SOX5: variants seen among roughly 807,000 people sequenced by gnomAD.
SOX5 encodes the protein SRY-box transcription factor 5, also known as transcription factor SOX-5.
SOX5 carries 9 observed loss-of-function variants against 92.0 expected under a neutral mutation model. The observed-to-expected ratio is 0.10, with a 90% CI of 0.06 to 0.17. The LOEUF is 0.17. SOX5 is among the 10% of genes least tolerant of loss of function. The pLI, the probability that SOX5 is intolerant of heterozygous loss-of-function variation, is 1.00. For synonymous variants in SOX5, 344 were observed against 336.3 expected (o/e 1.02, Z -0.25); for missense variants, 642 against 944.5 (o/e 0.68, Z 4.20).
At chr12:23,561,413 C>G (rs891837870) in intron 11 of SOX5, among the ~76,000 whole-genome samples, 10 of 152,072 alleles carry the variant, frequency 6.6e-5, no homozygotes, top group Non-Finnish European at 1.0e-4. Flanking sequence ...GTCACTGAAG[C>G]CAGCATAAAG....
At chr12:23,748,440 G>GA (rs1455911480) in intron 4 of SOX5, among the ~76,000 whole-genome samples, 2 of 151,950 alleles carry the variant, frequency 1.3e-5, no homozygotes, top group Non-Finnish European at 2.9e-5. Flanking sequence ...AAAAATACAT[G>GA]AAAATTGCTA....
intron 6 of SOX5, among the ~76,000 whole-genome samples, chr12:23,719,113 G>T (rs192410551): frequency 2.2e-4 from 34 of 152,068 alleles, no homozygotes; most frequent in African/African-American, 8.2e-4. Context: ...TCCATGGATT[G>T]GCTTCAATAT....
chr12:24,326,590 C>T (rs1950708187), intron 2 of SOX5, among the ~76,000 whole-genome samples: 1 of 152,142 alleles, frequency 6.6e-6, no homozygotes, highest in African/African-American at 2.4e-5. Flanking sequence ...CAATATCCAG[C>T]ATGTTCCCAC....
At chr12:23,970,824 CTT>C (rs1491566602) in intron 4 of SOX5, among the ~76,000 whole-genome samples, 797 of 7,990 alleles carry the variant, frequency 0.1, 84 homozygotes, top group Middle Eastern at 0.17. Flanking sequence ...TCACATGGGA[CTT>C]TATATATATA....
chr12:24,163,087 C>G (rs1259701057), intron 4 of SOX5, among the ~76,000 whole-genome samples: 1 of 152,086 alleles, frequency 6.6e-6, no homozygotes, highest in African/African-American at 2.4e-5. Context: ...AAGGCACTAC[C>G]TAACAGTCAG....
At chr12:23,965,537 A>G (rs1947458398) in intron 4 of SOX5, among the ~76,000 whole-genome samples, 1 of 152,112 alleles carries the variant, frequency 6.6e-6, no homozygotes, top group African/African-American at 2.4e-5. Flanking sequence ...CTCTTGTGAT[A>G]CTCAGATTGT....
At chr12:24,145,279 A>C (rs1169640151) in intron 4 of SOX5, among the ~76,000 whole-genome samples, 1 of 152,212 alleles carries the variant, frequency 6.6e-6, no homozygotes, top group African/African-American at 2.4e-5. Flanking sequence ...AGTAATAAGC[A>C]AAAAACAAAT....
chr12:23,726,122 A>T (rs2093104888), intron 6 of SOX5, among the ~76,000 whole-genome samples: 1 of 7,502 alleles, frequency 1.3e-4, no homozygotes, highest in Non-Finnish European at 2.7e-4. Flanking sequence ...CATCCCCGAG[A>T]GAGAGAGAGA....
rs560167218 is a variant in SOX5 at position 23,920,470 on chromosome 12, A to G, written c.39-24446T>C. On this transcript the variant is annotated intron_variant, in intron 1 of 14. Transcript: ENST00000451604. Reference sequence around the variant, plus strand: ...TAAGACAAAATTCCCAGCATGGACTACTGGCACTTCTGCTTCTTTTATCTT... The same window carrying G: ...TAAGACAAAATTCCCAGCATGGACTGCTGGCACTTCTGCTTCTTTTATCTT... 6 of 152,304 alleles carry G rather than the reference A, an allele frequency of 3.9e-5. No individual in the cohort carries two copies. In the East Asian group the frequency reaches 5.8e-4, roughly 15 times the overall value. 9.4% of individuals were successfully genotyped at this position (152,304 alleles called of 1,614,324 possible).
rs67100585 is a variant in SOX5, at chr12:24,110,900, CAAAAAA to C, written c.-2+102437_-2+102442del. 5.1e-4 allele frequency among the ~76,000 whole-genome samples: 14 copies of C among 27,586 alleles called. No individual in the cohort carries two copies. In the South Asian group the frequency reaches 0.011, roughly 22 times the overall value. 18.1% of individuals were successfully genotyped at this position (27,586 alleles called of 152,430 possible). A position where few individuals can be genotyped will look rare whatever the true frequency, so the allele number is the denominator to read the frequency against. On this transcript the variant is annotated intron_variant, in intron 4 of 4. Coordinates refer to the SOX5 transcript ENST00000446891. Reference sequence around the variant, plus strand: ...TGGGCGACAGCGCGAGACTCCACTTCAAAAAAAAAAAAAAAAAAAAAAAAAAAAGAA... The same window carrying C: ...TGGGCGACAGCGCGAGACTCCACTTCAAAAAAAAAAAAAAAAAAAAAAGAA...
intron 1 of SOX5, among the ~76,000 whole-genome samples, chr12:24,373,910 G>A (rs1295881750): frequency 6.6e-6 from 1 of 152,150 alleles, no homozygotes; most frequent in South Asian, 2.1e-4. Context: ...GAACAGAGGG[G>A]CCACTAATCG....
In SOX5 at chr12:23,718,640, G is replaced by C. The variant is rs192114587; in HGVS notation, c.810+16044C>G. Among the ~76,000 whole-genome samples the C allele has an allele frequency of 1.8e-4, 27 of 152,118 alleles. No individual in the cohort carries two copies. The East Asian group carries it at 3.5e-3, about 20-fold the overall frequency. On this transcript the variant is annotated intron_variant, in intron 6 of 14. Coordinates refer to ENST00000451604, the MANE Select transcript of SOX5 (RefSeq NM_006940.6). ...TCTGTTTTCCTATTATTATTTCACT[G>C]TTTATTATCCTGCATCAAAAACCTT...
In SOX5 at chr12:23,895,978, C is replaced by T. The variant is rs766043947; in HGVS notation, c.85G>A (p.Glu29Lys). 8 of 1,614,132 alleles carry T rather than the reference C, an allele frequency of 5.0e-6. No homozygotes were observed. The highest frequency in any genetic ancestry group is 1.1e-5 in the South Asian group (1 of 91,088). The stretch of plus-strand genomic sequence containing the variant: ...TGTCTGCTTGTCACCATGGCTACCT[C>T]TCCATCTGCTTCCCCATACGGAGAG... ...PASPYGEADG[E>K]VAMVTSRQKV... is the part of the protein sequence containing the mutation. Residue 29 changes from glutamate to lysine, a missense_variant, in exon 2 of 15, where the codon GAG (glutamate) becomes AAG (lysine). Transcript: ENST00000451604.
chr12:23,689,607 A>G (rs778009695), intron 6 of SOX5, among the ~76,000 whole-genome samples: 32 of 152,064 alleles, frequency 2.1e-4, no homozygotes, highest in East Asian at 9.6e-4. Context: ...TGCATTCTCT[A>G]TCATGTCATT....
chr12:23,665,532 G>A lies in SOX5; in HGVS notation c.843C>T (p.Pro281=), dbSNP rs760608804. The A allele has an allele frequency of 1.7e-5, 27 of 1,613,216 alleles. No homozygotes were observed. Among genetic ancestry groups the A allele is most frequent in the Middle Eastern group, 1.6e-4 (1 of 6,068 alleles). ...VQGQLPPLMI[P]VFPPDQRTLA... ...GTGTCCGTTGATCAGGAGGGAATAC[G>A]GGAATCATTAATGGCGGCAGCTGAC... The change falls in exon 7 of 15, where the codon CCC becomes CCT. Residue 281 remains proline, a synonymous_variant. Coordinates refer to ENST00000451604, the MANE Select transcript of SOX5 (RefSeq NM_006940.6).
In SOX5 at chr12:23,981,098, T is replaced by C. The variant is rs531310987; in HGVS notation, c.-1-85074A>G. On this transcript the variant is annotated intron_variant, in intron 4 of 4. Coordinates refer to the SOX5 transcript ENST00000446891. Reference sequence around the variant, plus strand: ...TAAGGGATTCCATAACATGTTTGAATTATATCTATATGGTAGGGACTTTCA... The same window carrying C: ...TAAGGGATTCCATAACATGTTTGAACTATATCTATATGGTAGGGACTTTCA... Among the ~76,000 whole-genome samples, 192 of 152,248 alleles carry C rather than the reference T, an allele frequency of 1.3e-3. 1 individual carries two copies. Among genetic ancestry groups the C allele is most frequent in the African/African-American group, 4.3e-3 (179 of 41,544 alleles).
At chr12:24,115,209 G>C (rs1295007336) in intron 4 of SOX5, among the ~76,000 whole-genome samples, 1 of 152,154 alleles carries the variant, frequency 6.6e-6, no homozygotes, top group East Asian at 1.9e-4. Context: ...CCACAGATTA[G>C]AGGTAGAGTC....
chr12:23,644,101 C>T (rs1280408554), intron 7 of SOX5, among the ~76,000 whole-genome samples: 1 of 152,174 alleles, frequency 6.6e-6, no homozygotes, highest in Non-Finnish European at 1.5e-5. Context: ...TGCTATTTTA[C>T]ATTTGAGATT....
Position 24,091,428 on chromosome 12 carries a change from A to ATTTTTT in SOX5, c.-2+121909_-2+121914dup, listed in dbSNP as rs556198750. The stretch of plus-strand genomic sequence containing the variant: ...AAGCATAAAGTAAATAGAGAATGCT[A>ATTTTTT]TTTTTTTTTTTTTTTTTTTGAGATG... On this transcript the variant is annotated intron_variant, in intron 4 of 4. Coordinates refer to the SOX5 transcript ENST00000446891. Among the ~76,000 whole-genome samples the ATTTTTT allele has an allele frequency of 5.3e-3, 645 of 122,600 alleles. 11 individuals are homozygous for ATTTTTT. Among genetic ancestry groups the ATTTTTT allele is most frequent in the African/African-American group, 0.016 (513 of 32,380 alleles). The allele number at this position is 122,600 out of a possible 152,430, so 80.4% of individuals were successfully genotyped here. A position where few individuals can be genotyped will look rare whatever the true frequency, so the allele number is the denominator to read the frequency against.
Sources: gnomAD v4.1 joint callset for allele counts (sites outside exome capture counted in the v4.1 genomes callset) on GRCh38, gnomAD v4.1.1 for gene constraint, MANE v1.5 for transcripts, NCBI Gene and HGNC (gene_info 2026-07-23, HGNC 2026-07-21) for gene names.